ERBB4: variants seen among roughly 807,000 people sequenced by gnomAD.
ERBB4 encodes erb-b2 receptor tyrosine kinase 4.
In ERBB4, 42 loss-of-function variants were observed where a neutral mutation model predicts 158.0. The ratio of observed to expected loss-of-function variants is 0.27; its 90% CI spans 0.21 to 0.34. The LOEUF is 0.34. Ranked by LOEUF, ERBB4 falls within the 10% of genes least tolerant of loss-of-function variation. The probability of loss-of-function intolerance (pLI) is 1.00; values close to 1 mark genes in which losing one functional copy is unlikely to be tolerated. For missense variants in ERBB4, 1,333 were observed against 1,624.1 expected, an observed-to-expected ratio of 0.82 and a Z score of 3.08; for synonymous variants, 583 against 558.7, an observed-to-expected ratio of 1.04 and a Z score of -0.61.
At chr2:212,447,597 CCA>C (rs2092380872) in intron 1 of ERBB4, among the ~76,000 whole-genome samples, 1 of 152,030 alleles carries the variant, frequency 6.6e-6, no homozygotes, top group Admixed American at 6.6e-5. Flanking sequence ...TTCAATTAAT[CCA>C]GTTTTCAAAT....
intron 1 of ERBB4, among the ~76,000 whole-genome samples, chr2:212,334,933 A>T (rs1027792480): frequency 2.0e-5 from 3 of 152,106 alleles, no homozygotes; most frequent in Middle Eastern, 3.4e-3. Flanking sequence ...GTAAGCAGGT[A>T]AACAGTTCCT....
At chr2:212,065,902 G>A (rs1225920461) in intron 2 of ERBB4, among the ~76,000 whole-genome samples, 1 of 152,126 alleles carries the variant, frequency 6.6e-6, no homozygotes. Flanking sequence ...GAAGGTGCCT[G>A]TAACAATTGT....
chr2:212,349,321 A>ACC (rs1553622918), intron 1 of ERBB4, among the ~76,000 whole-genome samples: 5 of 144,980 alleles, frequency 3.4e-5, no homozygotes, highest in African/African-American at 5.0e-5. Context: ...ACACACACAC[A>ACC]CCCTTCAAGT....
intron 8 of ERBB4, among the ~76,000 whole-genome samples, chr2:211,713,192 T>A (rs1435898788): frequency 1.3e-5 from 2 of 152,284 alleles, no homozygotes; most frequent in Non-Finnish European, 2.9e-5. Flanking sequence ...GGCAAGCAAC[T>A]AATATGTGTT....
chr2:212,379,961 GGC>G (rs2090450582), intron 1 of ERBB4, among the ~76,000 whole-genome samples: 1 of 151,394 alleles, frequency 6.6e-6, no homozygotes, highest in African/African-American at 2.4e-5. Flanking sequence ...ACACCTACCA[GGC>G]ACCTGTATCA....
intron 4 of ERBB4, among the ~76,000 whole-genome samples, chr2:211,751,464 A>T (rs2075127870): frequency 6.6e-6 from 1 of 152,180 alleles, no homozygotes; most frequent in Non-Finnish European, 1.5e-5. Context: ...TTCACTCTAA[A>T]TTTCTGTGGG....
At chr2:211,856,422 G>A (rs2077863670) in intron 3 of ERBB4, among the ~76,000 whole-genome samples, 1 of 151,042 alleles carries the variant, frequency 6.6e-6, no homozygotes, top group Admixed American at 6.6e-5. Flanking sequence ...GTCTCGCTCT[G>A]TCGCCCAGGC....
chr2:212,222,001 C>A (rs1484226064), intron 1 of ERBB4, among the ~76,000 whole-genome samples: 1 of 151,460 alleles, frequency 6.6e-6, no homozygotes, highest in Non-Finnish European at 1.5e-5. Context: ...GTGTCTGAAG[C>A]ATAGTATGTC....
chr2:212,450,466 A>T (rs1234349648), intron 1 of ERBB4, among the ~76,000 whole-genome samples: 1 of 152,148 alleles, frequency 6.6e-6, no homozygotes, highest in East Asian at 1.9e-4. Flanking sequence ...GAGTGATGAG[A>T]TTGCTGACTG....
intron 2 of ERBB4, among the ~76,000 whole-genome samples, chr2:212,114,669 G>A (rs1412273166): frequency 6.6e-6 from 1 of 152,086 alleles, no homozygotes; most frequent in African/African-American, 2.4e-5. Flanking sequence ...ACTTCTCATT[G>A]CTTCTGCGAA....
chr2:212,458,874 A>G (rs763789243), intron 1 of ERBB4, among the ~76,000 whole-genome samples: 173 of 152,184 alleles, frequency 1.1e-3, no homozygotes, highest in Non-Finnish European at 1.6e-3. Flanking sequence ...GGAGTGTCCT[A>G]AGGAGAAGAA....
chr2:212,410,707 A>G (rs1215937475), intron 1 of ERBB4, among the ~76,000 whole-genome samples: 1 of 152,070 alleles, frequency 6.6e-6, no homozygotes, highest in Non-Finnish European at 1.5e-5. Context: ...TGAAATATAA[A>G]TATGTATTAT....
chr2:212,132,512 G>A (rs1559559070), intron 1 of ERBB4, among the ~76,000 whole-genome samples: 1 of 152,192 alleles, frequency 6.6e-6, no homozygotes, highest in Non-Finnish European at 1.5e-5. Flanking sequence ...GGCACGGATA[G>A]AATAAAAAGG....
intron 1 of ERBB4, among the ~76,000 whole-genome samples, chr2:212,347,812 T>C (rs1394039740): frequency 6.6e-6 from 1 of 152,128 alleles, no homozygotes; most frequent in African/African-American, 2.4e-5. Flanking sequence ...TTTCAACATT[T>C]AATTAATTCA....
intron 20 of ERBB4, among the ~76,000 whole-genome samples, chr2:211,557,347 A>G (rs571408455): frequency 6.6e-6 from 1 of 152,322 alleles, no homozygotes; most frequent in African/African-American, 2.4e-5. Flanking sequence ...AAAGGGAGAA[A>G]ATTTTTGCAA....
chr2:211,431,690 T>A (rs1559161768), intron 20 of ERBB4, among the ~76,000 whole-genome samples: 1 of 152,180 alleles, frequency 6.6e-6, no homozygotes, highest in African/African-American at 2.4e-5. Context: ...CTGTAATTTT[T>A]AAGAAGACTT....
intron 1 of ERBB4, among the ~76,000 whole-genome samples, chr2:212,309,756 TA>T (rs201200483): frequency 1.0e-5 from 1 of 97,554 alleles, no homozygotes; most frequent in Admixed American, 1.1e-4. Context: ...GCTTTGAGGG[TA>T]TTTTTTTTTT....
At chr2:211,655,413 A>G (rs2071174198) in intron 16 of ERBB4, among the ~76,000 whole-genome samples, 1 of 152,280 alleles carries the variant, frequency 6.6e-6, no homozygotes, top group East Asian at 1.9e-4. Context: ...GACACACTCA[A>G]TCTTACAATT....
rs186094908 is a variant in ERBB4, at chr2:212,057,150, C to G, written c.234+67602G>C. Among the ~76,000 whole-genome samples the G allele has an allele frequency of 1.6e-3, 239 of 152,262 alleles. 1 individual carries two copies. The highest frequency in any genetic ancestry group is 4.3e-4 in the Non-Finnish European group (29 of 68,030). On this transcript the variant is annotated intron_variant, in intron 2 of 27. Transcript: ENST00000342788. ...CAATCCTAGTCTCTGATAAAACAGA[C>G]TTTAAACCAGCAAAGATCGAAAGAG...
Sources: gnomAD v4.1 joint callset for allele counts (sites outside exome capture counted in the v4.1 genomes callset) on GRCh38, gnomAD v4.1.1 for gene constraint, MANE v1.5 for transcripts, NCBI Gene and HGNC (gene_info 2026-07-23, HGNC 2026-07-21) for gene names.